The following RBMS3 variants were observed in gnomAD, a reference collection of about 807,000 sequenced individuals.
The protein encoded by RBMS3 is RNA binding motif single stranded interacting protein 3, also known as RNA-binding motif, single-stranded-interacting protein 3.
RBMS3 carries 27 observed loss-of-function variants against 66.8 expected under a neutral mutation model. The ratio of observed to expected loss-of-function variants is 0.40; its 90% CI spans 0.30 to 0.56. The LOEUF (loss-of-function observed/expected upper bound fraction) is 0.56. Ranked by LOEUF, RBMS3 falls within the 20% of genes least tolerant of loss-of-function variation. The pLI is 0.40. For missense variants in RBMS3, 513 were observed against 549.5 expected, an observed-to-expected ratio of 0.93 and a Z score of 0.66; for synonymous variants, 188 against 183.0, an observed-to-expected ratio of 1.03 and a Z score of -0.22.
At chr3:29,685,536 G>A (rs1217037514) in intron 4 of RBMS3, among the ~76,000 whole-genome samples, 1 of 152,106 alleles carries the variant, frequency 6.6e-6, no homozygotes, top group Admixed American at 6.5e-5. Flanking sequence ...CAGTTCTTTA[G>A]CCATTACTTG....
At chr3:29,580,062 A>T (rs2047270707) in intron 3 of RBMS3, among the ~76,000 whole-genome samples, 1 of 152,242 alleles carries the variant, frequency 6.6e-6, no homozygotes, top group African/African-American at 2.4e-5. Flanking sequence ...AAATGGAATG[A>T]GAAAGTGTTC....
At chr3:29,948,704 C>T (rs1464127400) in intron 12 of RBMS3, among the ~76,000 whole-genome samples, 1 of 151,770 alleles carries the variant, frequency 6.6e-6, no homozygotes, top group Non-Finnish European at 1.5e-5. Context: ...TTTTTTGGCT[C>T]AAATACCGTG....
intron 6 of RBMS3, 30 bp downstream of exon 6, chr3:29,763,019 G>A: frequency 2.8e-6 from 4 of 1,421,776 alleles, no homozygotes; most frequent in Admixed American, 1.8e-5. Flanking sequence ...GTGACTGAAT[G>A]ATGCCGAGGC....
intron 4 of RBMS3, among the ~76,000 whole-genome samples, chr3:29,634,495 C>CTCATCACT (rs1205050154): frequency 6.6e-6 from 1 of 151,844 alleles, no homozygotes; most frequent in Non-Finnish European, 1.5e-5. Flanking sequence ...ACAGCAGCCC[C>CTCATCACT]TCATCACTAA....
chr3:29,395,084 G>A (rs898904551), intron 1 of RBMS3, among the ~76,000 whole-genome samples: 4 of 152,118 alleles, frequency 2.6e-5, no homozygotes, highest in South Asian at 4.1e-4. Flanking sequence ...GGTTGGGGGG[G>A]TTAATCTGTA....
At chr3:29,362,023 T>C (rs1317216656) in intron 1 of RBMS3, among the ~76,000 whole-genome samples, 3 of 152,098 alleles carry the variant, frequency 2.0e-5, no homozygotes, top group Middle Eastern at 6.8e-3. Context: ...GAAGTTTGAT[T>C]GTCTGAAGCC....
chr3:29,943,576 G>C (rs1008047818), intron 11 of RBMS3, among the ~76,000 whole-genome samples: 1 of 151,744 alleles, frequency 6.6e-6, no homozygotes, highest in Non-Finnish European at 1.5e-5. Context: ...TTGGGATAAA[G>C]ATAACCGTCA....
intron 6 of RBMS3, among the ~76,000 whole-genome samples, chr3:29,768,519 C>T (rs2056033248): frequency 6.6e-6 from 1 of 151,904 alleles, no homozygotes; most frequent in South Asian, 2.1e-4. Flanking sequence ...ATCTACTCTA[C>T]CCACCTGTGA....
chr3:29,368,037 T>G (rs1402317575), intron 1 of RBMS3, among the ~76,000 whole-genome samples: 1 of 152,214 alleles, frequency 6.6e-6, no homozygotes, highest in African/African-American at 2.4e-5. Context: ...CACACACAAC[T>G]CACTGAAACT....
At chr3:29,521,008 G>A (rs530272253) in intron 3 of RBMS3, among the ~76,000 whole-genome samples, 68 of 152,032 alleles carry the variant, frequency 4.5e-4, no homozygotes, top group African/African-American at 1.6e-3. Flanking sequence ...TGTCATCTCC[G>A]CTCACATTTA....
At position 30,010,050 on chromosome 3, in the gene RBMS3, C is replaced by T. The variant is rs1577375533; in HGVS notation, c.*6188C>T. ...TTTAAAAAAATATATGTAGTAGTATCTGCTATGAGATATTCAGTCTCTATA... is the reference window on the plus strand; with the variant it reads ...TTTAAAAAAATATATGTAGTAGTATTTGCTATGAGATATTCAGTCTCTATA... On this transcript the variant is annotated 3_prime_UTR_variant, in exon 15 of 15. Coordinates refer to ENST00000383767, the MANE Select transcript of RBMS3 (RefSeq NM_001003793.3). The T allele has an allele frequency of 4.0e-5, 6 of 151,112 alleles. No homozygotes were observed. The highest frequency in any genetic ancestry group is 4.0e-4 in the Admixed American group (6 of 15,186). The allele number at this position is 151,112 out of a possible 1,614,324, so 9.4% of individuals were successfully genotyped here. A position where few individuals can be genotyped will look rare whatever the true frequency, so the allele number is the denominator to read the frequency against.
At chr3:29,323,607 T>C (rs2035135544) in intron 1 of RBMS3, among the ~76,000 whole-genome samples, 2 of 152,006 alleles carry the variant, frequency 1.3e-5, no homozygotes. Flanking sequence ...GTAATATGTC[T>C]GTGGTGCTCT....
intron 3 of RBMS3, among the ~76,000 whole-genome samples, chr3:29,567,753 A>G (rs1483710472): frequency 6.6e-6 from 1 of 152,128 alleles, no homozygotes; most frequent in African/African-American, 2.4e-5. Flanking sequence ...CTCTCTGTGC[A>G]ATTTTTGGTG....
chr3:29,589,581 C>T (rs1168396940), intron 4 of RBMS3, among the ~76,000 whole-genome samples: 2 of 152,056 alleles, frequency 1.3e-5, no homozygotes, highest in Admixed American at 1.3e-4. Flanking sequence ...AATAAATAGG[C>T]TCCCTTTGAG....
chr3:29,654,211 C>G (rs993353659), intron 4 of RBMS3, among the ~76,000 whole-genome samples: 1 of 152,122 alleles, frequency 6.6e-6, no homozygotes, highest in African/African-American at 2.4e-5. Flanking sequence ...CCTATTTAGA[C>G]AGTTTTAAAC....
intron 2 of RBMS3, among the ~76,000 whole-genome samples, chr3:29,441,903 C>T (rs1470008398): frequency 6.6e-6 from 1 of 152,176 alleles, no homozygotes; most frequent in Admixed American, 6.5e-5. Flanking sequence ...GGACCTACCA[C>T]TGTGCTTTCA....
intron 1 of RBMS3, among the ~76,000 whole-genome samples, chr3:29,395,714 C>A (rs192479449): frequency 9.3e-4 from 142 of 152,210 alleles, no homozygotes; most frequent in Admixed American, 1.0e-3. Flanking sequence ...AAATTAAAAA[C>A]AAAGACATGT....
At chr3:29,872,316 G>C (rs900844089) in intron 7 of RBMS3, among the ~76,000 whole-genome samples, 5 of 151,990 alleles carry the variant, frequency 3.3e-5, no homozygotes, top group Non-Finnish European at 7.4e-5. Context: ...GAGAAAAGTG[G>C]TGGACTTTTC....
At chr3:29,362,395 T>C (rs2037651289) in intron 1 of RBMS3, among the ~76,000 whole-genome samples, 1 of 152,196 alleles carries the variant, frequency 6.6e-6, no homozygotes, top group Admixed American at 6.5e-5. Context: ...TGCTGTCTGA[T>C]CATTTCTCTG....
Sources: gnomAD v4.1 joint callset for allele counts (sites outside exome capture counted in the v4.1 genomes callset) on GRCh38, gnomAD v4.1.1 for gene constraint, MANE v1.5 for transcripts, NCBI Gene and HGNC (gene_info 2026-07-23, HGNC 2026-07-21) for gene names.